Variants in HELLS observed in about 807,000 individuals in gnomAD.
HELLS encodes helicase, lymphoid specific.
In HELLS, 32 loss-of-function variants were observed where a neutral mutation model predicts 120.0. The ratio of observed to expected loss-of-function variants is 0.27; its 90% CI spans 0.20 to 0.36. The LOEUF (loss-of-function observed/expected upper bound fraction) is 0.36. Among genes scored for constraint, HELLS ranks in the 10% least tolerant of loss-of-function variants. The pLI, the probability that HELLS is intolerant of heterozygous loss-of-function variation, is 1.00. For synonymous variants in HELLS, 341 were observed against 323.4 expected (o/e 1.05, Z -0.58); for missense variants, 650 against 993.4 (o/e 0.65, Z 4.65).
At position 94,564,962 on chromosome 10, in the gene HELLS, A is replaced by G. The variant is rs568889336; in HGVS notation, c.435+2086A>G. Among the ~76,000 whole-genome samples the G allele has an allele frequency of 9.2e-5, 14 of 152,322 alleles. No homozygotes were observed. In the South Asian group the frequency reaches 1.9e-3, roughly 20 times the overall value. The stretch of plus-strand genomic sequence containing the variant: ...CTGTTGTTCTTTTACCTGAAGTTCA[A>G]ACTCTAGCTCTTCAGAAGAAAAATT... On this transcript the variant is annotated intron_variant, in intron 6 of 21. Coordinates refer to ENST00000348459, the MANE Select transcript of HELLS (RefSeq NM_018063.5).
chr10:94,563,479 T>C (rs887523064), intron 6 of HELLS, among the ~76,000 whole-genome samples: 2 of 152,020 alleles, frequency 1.3e-5, no homozygotes, highest in Non-Finnish European at 2.9e-5. Flanking sequence ...CTAGCTTCCT[T>C]CTTTTTTTTC....
Position 94,558,210 on chromosome 10 carries a change from C to T in HELLS, c.333+15C>T, listed in dbSNP as rs368577001. The T allele has an allele frequency of 2.4e-5, 37 of 1,530,966 alleles. No individual in the cohort carries two copies. The highest frequency in any genetic ancestry group is 1.8e-4 in the Middle Eastern group (1 of 5,532). 94.8% of individuals were successfully genotyped at this position (1,530,966 alleles called of 1,614,324 possible). A position where few individuals can be genotyped will look rare whatever the true frequency, so the allele number is the denominator to read the frequency against. On this transcript the variant is annotated intron_variant, in intron 4 of 21. Coordinates refer to ENST00000348459, the MANE Select transcript of HELLS (RefSeq NM_018063.5). ...AAGTTAAAAAGGTAATATAGCCAGCCGGAATATTTTTTATGTCATTTAAAT... is the reference window on the plus strand; with the variant it reads ...AAGTTAAAAAGGTAATATAGCCAGCTGGAATATTTTTTATGTCATTTAAAT...
chr10:94,597,790 C>T (rs1212896813), intron 21 of HELLS, among the ~76,000 whole-genome samples: 1 of 152,142 alleles, frequency 6.6e-6, no homozygotes, highest in Non-Finnish European at 1.5e-5. Flanking sequence ...ACCCCAGCCT[C>T]CCAAAGCACT....
intron 17 of HELLS, among the ~76,000 whole-genome samples, chr10:94,592,960 G>A (rs1446160228): frequency 6.6e-6 from 1 of 151,974 alleles, no homozygotes; most frequent in Non-Finnish European, 1.5e-5. Flanking sequence ...ATTTAATCCT[G>A]GTTTTTTGGT....
intron 10 of HELLS, among the ~76,000 whole-genome samples, chr10:94,578,986 G>A (rs1008032038): frequency 6.6e-6 from 1 of 152,074 alleles, no homozygotes; most frequent in Non-Finnish European, 1.5e-5. Context: ...AAATACAGAC[G>A]AGGCTTCCCT....
intron 19 of HELLS, among the ~76,000 whole-genome samples, chr10:94,595,055 G>A (rs1313379406): frequency 1.3e-5 from 2 of 151,900 alleles, no homozygotes; most frequent in African/African-American, 4.8e-5. Context: ...TGGTGAAACC[G>A]CGTCTCTACT....
chr10:94,582,337 G>GT (rs1393153662), intron 11 of HELLS, among the ~76,000 whole-genome samples: 2 of 152,202 alleles, frequency 1.3e-5, no homozygotes, highest in Non-Finnish European at 2.9e-5. Context: ...CAAGGTAGGA[G>GT]TTGAGAATCT....
chr10:94,556,759 C>T (rs1843286585), intron 3 of HELLS, among the ~76,000 whole-genome samples: 1 of 152,078 alleles, frequency 6.6e-6, no homozygotes, highest in Non-Finnish European at 1.5e-5. Flanking sequence ...TACGTTTTTA[C>T]TGGGTAAAGA....
chr10:94,582,858 A>G, intron 11 of HELLS, 105 bp from the exon 12 acceptor site: 2 of 597,316 alleles, frequency 3.3e-6, no homozygotes, highest in Admixed American at 6.4e-5. Context: ...TGATGCAACA[A>G]TACCACGTTT....
At chr10:94,589,556 C>T (rs1290757270) in intron 13 of HELLS, among the ~76,000 whole-genome samples, 1 of 151,980 alleles carries the variant, frequency 6.6e-6, no homozygotes, top group Non-Finnish European at 1.5e-5. Context: ...TGAAGGAGAC[C>T]CTTAAGTTTT....
intron 17 of HELLS, 53 bp from the exon 18 acceptor site, chr10:94,593,446 C>A: frequency 1.8e-6 from 2 of 1,133,970 alleles, no homozygotes; most frequent in Non-Finnish European, 2.7e-6. Context: ...CTCCTTCAGT[C>A]TTGTTGGTTA....
At chr10:94,583,601 G>T (rs117843577) in intron 12 of HELLS, among the ~76,000 whole-genome samples, 147 of 152,234 alleles carry the variant, frequency 9.7e-4, no homozygotes, top group Non-Finnish European at 1.8e-3. Context: ...CAGGAGAGAA[G>T]TGAAAAGTAA....
chr10:94,558,283 TA>T, intron 4 of HELLS, 88 bp downstream of exon 4: 1 of 1,419,866 alleles, frequency 7.0e-7, no homozygotes, highest in Non-Finnish European at 9.3e-7. Flanking sequence ...ATCATCTGTT[TA>T]ATTTTAAGTT....
At chr10:94,564,680 C>T (rs1001211396) in intron 6 of HELLS, among the ~76,000 whole-genome samples, 1 of 151,866 alleles carries the variant, frequency 6.6e-6, no homozygotes, top group African/African-American at 2.4e-5. Context: ...GGCGCGATCT[C>T]GGCTCACTGC....
chr10:94,554,960 G>GT (rs1271787528), intron 3 of HELLS, among the ~76,000 whole-genome samples: 1 of 151,988 alleles, frequency 6.6e-6, no homozygotes, highest in East Asian at 1.9e-4. Context: ...ACCAGGCTGG[G>GT]TAATATGGCA....
chr10:94,571,497 C>T lies in HELLS; in HGVS notation c.477+68C>T. 3.1e-6 allele frequency: 4 copies of T among 1,283,110 alleles called. No homozygotes were observed. The South Asian group carries it at 5.3e-5, about 17-fold the overall frequency. 79.5% of individuals were successfully genotyped at this position (1,283,110 alleles called of 1,614,324 possible). ...TACTCCTCAGTTACTAGTCCTTTTT[C>T]TTTAATCAGCAGTATACGTTCTTCT... On this transcript the variant is annotated intron_variant, in intron 7 of 21. Transcript: ENST00000348459.
chr10:94,571,269 A>G, intron 6 of HELLS, 119 bp from the exon 7 acceptor site: 1 of 785,810 alleles, frequency 1.3e-6, no homozygotes, highest in Non-Finnish European at 2.0e-6. Context: ...TACTAGTTTT[A>G]TCTTGAGAAT....
chr10:94,550,382 G>C (rs545403542), intron 2 of HELLS, among the ~76,000 whole-genome samples: 1 of 152,030 alleles, frequency 6.6e-6, no homozygotes, highest in East Asian at 2.0e-4. Flanking sequence ...GGGTTTAAGC[G>C]ATTCTTCTGC....
intron 3 of HELLS, chr10:94,557,223 G>T (rs1305716268): frequency 2.4e-6 from 1 of 411,072 alleles, no homozygotes; most frequent in Non-Finnish European, 5.0e-6. Context: ...AGAGAATACA[G>T]TAAGTCCCGG....
Sources: allele counts gnomAD v4.1 joint callset (sites outside exome capture counted in the v4.1 genomes callset), GRCh38; gene constraint gnomAD v4.1.1; transcripts MANE v1.5; gene names NCBI Gene and HGNC (gene_info 2026-07-23, HGNC 2026-07-21).